SLC30A3: variants seen among roughly 807,000 people sequenced by gnomAD.
SLC30A3 encodes solute carrier family 30 member 3.
A neutral mutation model predicts 35.6 loss-of-function variants in SLC30A3; 20 were observed. The observed-to-expected ratio is 0.56, with a 90% CI of 0.39 to 0.82. SLC30A3 has a LOEUF of 0.82. SLC30A3 is among the 40% of genes least tolerant of loss of function. The probability of loss-of-function intolerance (pLI) is 0.00; values close to 1 mark genes in which losing one functional copy is unlikely to be tolerated. For synonymous variants in SLC30A3, 217 were observed against 224.7 expected (o/e 0.97, Z 0.31); for missense variants, 401 against 530.6 (o/e 0.76, Z 2.40).
chr2:27,274,613 A>T (rs1677910676), intron 1 of SLC30A3, among the ~76,000 whole-genome samples: 1 of 152,110 alleles, frequency 6.6e-6, no homozygotes, highest in Admixed American at 6.5e-5. Context: ...AGGTGGGGAT[A>T]CAAATCCTCC....
At chr2:27,273,165 A>G (rs993933532) in intron 1 of SLC30A3, among the ~76,000 whole-genome samples, 5 of 151,290 alleles carry the variant, frequency 3.3e-5, no homozygotes. Context: ...AGTAGAACCC[A>G]GTTTAGAAGG....
chr2:27,265,706 G>A (rs551561280), upstream of SLC30A3, among the ~76,000 whole-genome samples: 5 of 152,138 alleles, frequency 3.3e-5, no homozygotes, highest in Middle Eastern at 6.8e-3. This position sits in a 1 kb window ranked among gnomAD's most constrained non-coding sequence, Gnocchi z 5.9. Flanking sequence ...TTCTCTCAAG[G>A]CTCACACTGT....
rs577288500 is a variant in SLC30A3, at chr2:27,269,544, C to A, written c.-158-5462G>T. Among the ~76,000 whole-genome samples, 4 of 151,912 alleles carry A rather than the reference C, an allele frequency of 2.6e-5. No homozygotes were observed. In the South Asian group the frequency reaches 8.3e-4, roughly 32 times the overall value. On this transcript the variant is annotated intron_variant, in intron 1 of 5. Coordinates refer to the SLC30A3 transcript ENST00000424577. ...TTTTACAAACCCTGCATGTGGCATCCAATGGAGTGTGGTTTTGAGGCAATG... is the reference window on the plus strand; with the variant it reads ...TTTTACAAACCCTGCATGTGGCATCAAATGGAGTGTGGTTTTGAGGCAATG...
chr2:27,257,950 C>A lies in SLC30A3; in HGVS notation c.533G>T (p.Gly178Val), dbSNP rs1676960917. 1 of 1,613,980 alleles carries A rather than the reference C, an allele frequency of 6.2e-7. No individual in the cohort carries two copies. The highest frequency in any genetic ancestry group is 1.3e-5 in the African/African-American group (1 of 74,926). ...GATGCTGGCGGTCAGCAGCATGGCA[C>A]CCCCCTCGATGTGGTAGTCGCTGTG... ...LLHSDYHIEGGAMLLTASIAV... is the reference protein window; with the variant it reads ...LLHSDYHIEGVAMLLTASIAV... The change falls in exon 4 of 8, where the codon GGT becomes GTT. Residue 178 changes from glycine (G) to valine (V), a missense_variant. By Grantham distance (109) the Gly-to-Val change is moderately radical. Around this residue, in one of 3 missense-constraint regions of SLC30A3, gnomAD observed 296 missense variants for 392.6 expected, o/e 0.75. Coordinates refer to ENST00000233535, the MANE Select transcript of SLC30A3 (RefSeq NM_003459.5). The surrounding 1 kb of genome is among the most constrained non-coding windows in gnomAD (Gnocchi z 4.7).
chr2:27,260,101 G>C (rs1326768347), intron 1 of SLC30A3, among the ~76,000 whole-genome samples: 1 of 152,162 alleles, frequency 6.6e-6, no homozygotes, highest in East Asian at 1.9e-4. Context: ...CCTGGCCTTG[G>C]TGTGCCTCCT....
rs746424458 is a variant in SLC30A3 at position 27,255,404 on chromosome 2, G to A, written c.1075C>T (p.Arg359Trp). The change falls in exon 8 of 8, where the codon CGG (arginine) becomes TGG (tryptophan). Residue 359 changes from arginine to tryptophan, a missense_variant. Arg to Trp is a moderately radical substitution (Grantham distance 101, BLOSUM62 -3). Coordinates refer to ENST00000233535, the MANE Select transcript of SLC30A3 (RefSeq NM_003459.5). This position sits in a 1 kb window ranked among gnomAD's most constrained non-coding sequence, Gnocchi z 5.2. The stretch of plus-strand genomic sequence containing the variant: ...AGGGTGCAGCTGGAGAATCCAAACC[G>A]GGAGTAGAGCCGGGATGAGGCTTCA... ...LAEASSRLYS[R>W]FGFSSCTLQV... The A allele has an allele frequency of 2.0e-5, 33 of 1,614,004 alleles. No homozygotes were observed. Among genetic ancestry groups the A allele is most frequent in the Non-Finnish European group, 2.5e-5 (29 of 1,180,022 alleles).
chr2:27,263,265 C>T, upstream of SLC30A3: 2 of 499,540 alleles, frequency 4.0e-6, no homozygotes, highest in Admixed American at 2.5e-5. Flanking sequence ...GTCCCCCAGG[C>T]GAGCTAGCCC....
Position 27,258,835 on chromosome 2 carries a change from A to G in SLC30A3, c.195T>C (p.Leu65=), listed in dbSNP as rs2148125439. The change falls in exon 2 of 8, where the codon CTT becomes CTC. Residue 65 remains leucine (L), a synonymous_variant. Transcript: ENST00000233535. The surrounding 1 kb of genome is among the most constrained non-coding windows in gnomAD (Gnocchi z 4.0). The stretch of plus-strand genomic sequence containing the variant: ...TCCGTGCATGCAGCCTCTCAGGGGT[A>G]AGGCCCGGCGGCGGAAGGGGGTCCC... The part of the protein sequence containing the change: ...CHRDPLPPPG[L]TPERLHARRQ... The G allele has an allele frequency of 6.2e-7, 1 of 1,614,190 alleles. No homozygotes were observed. The highest frequency in any genetic ancestry group is 8.5e-7 in the Non-Finnish European group (1 of 1,180,002).
At chr2:27,260,307 G>A (rs1395647728) in intron 1 of SLC30A3, among the ~76,000 whole-genome samples, 2 of 152,216 alleles carry the variant, frequency 1.3e-5, no homozygotes, top group Non-Finnish European at 2.9e-5. Context: ...TGCTATGGCT[G>A]AGGATGGCAG....
chr2:27,260,270 G>A (rs1430329588), intron 1 of SLC30A3, among the ~76,000 whole-genome samples: 1 of 152,226 alleles, frequency 6.6e-6, no homozygotes, highest in East Asian at 1.9e-4. Context: ...CAGAGCTGGG[G>A]TTGTCATGGG....
Position 27,269,372 on chromosome 2 carries a change from AT to A in SLC30A3, c.-158-5291del, listed in dbSNP as rs911659256. 2.6e-5 allele frequency among the ~76,000 whole-genome samples: 4 copies of A among 151,350 alleles called. No individual in the cohort carries two copies. In the South Asian group the frequency reaches 8.4e-4, roughly 32 times the overall value. On this transcript the variant is annotated intron_variant, in intron 1 of 5. Coordinates refer to the SLC30A3 transcript ENST00000424577. ...AGGTATGTGCCACCACACGCAGCTA[AT>A]TTTTTTTGTATTTTTAGTAGAGACG... is the stretch of plus-strand genomic sequence containing the variant.
intron 1 of SLC30A3, among the ~76,000 whole-genome samples, chr2:27,270,204 T>C (rs1677672903): frequency 6.6e-6 from 1 of 152,352 alleles, no homozygotes; most frequent in South Asian, 2.1e-4. Context: ...TACAGTGTTT[T>C]AATAAGATTG....
intron 1 of SLC30A3, among the ~76,000 whole-genome samples, chr2:27,269,784 G>A (rs1445744900): frequency 6.6e-6 from 1 of 152,028 alleles, no homozygotes; most frequent in Non-Finnish European, 1.5e-5. Flanking sequence ...CTTGAACCCG[G>A]GAGGCAGAGG....
At chr2:27,260,107 C>A (rs1677103850) in intron 1 of SLC30A3, among the ~76,000 whole-genome samples, 1 of 152,138 alleles carries the variant, frequency 6.6e-6, no homozygotes, top group Non-Finnish European at 1.5e-5. Flanking sequence ...CTTGGTGTGC[C>A]TCCTTTCCAG....
chr2:27,257,289 A>C lies in SLC30A3; in HGVS notation c.642T>G (p.Tyr214Ter). 2 of 1,613,938 alleles carry C rather than the reference A, an allele frequency of 1.2e-6. No individual in the cohort carries two copies. Among genetic ancestry groups the C allele is most frequent in the Non-Finnish European group, 1.7e-6 (2 of 1,179,932 alleles). Residue 214 changes from tyrosine (Y) to a stop codon, truncating the protein, a stop_gained, in exon 5 of 8, where the codon TAT (tyrosine) becomes TAG (stop). Transcript: ENST00000233535. LOFTEE classifies it high-confidence loss of function. The surrounding 1 kb of genome is among the most constrained non-coding windows in gnomAD (Gnocchi z 4.7). ...CTTCAGGCCCCTCCTCCAGCGGTGCATACTCTGCTCCCCTAGACCCGTGGC... is the reference window on the plus strand; with the variant it reads ...CTTCAGGCCCCTCCTCCAGCGGTGCCTACTCTGCTCCCCTAGACCCGTGGC... ...PHSHGSRGAE[Y>*]APLEEGPEEP...
At position 27,262,921 on chromosome 2, in the gene SLC30A3, G is replaced by A; in HGVS notation, c.-15C>T. The stretch of plus-strand genomic sequence containing the variant: ...GAGGGCTCCATGTTCCCGGTGCCCC[G>A]ACCGTCTAGGCCCCACCGAGGAAGA... On this transcript the variant is annotated 5_prime_UTR_variant, in exon 1 of 8. Transcript: ENST00000233535. The surrounding 1 kb of genome is among the most constrained non-coding windows in gnomAD (Gnocchi z 7.5). 6.5e-7 allele frequency: 1 copy of A among 1,549,422 alleles called. No homozygotes were observed. Among genetic ancestry groups the A allele is most frequent in the Non-Finnish European group, 8.7e-7 (1 of 1,155,586 alleles).
rs768089810 is a variant in SLC30A3 at position 27,273,281 on chromosome 2, G to A, written c.-159+1896C>T. On this transcript the variant is annotated intron_variant, in intron 1 of 5. Coordinates refer to the SLC30A3 transcript ENST00000424577. Reference sequence around the variant, plus strand: ...AGACTCTTGAAATGGGAGGGAACACGATGTTTTCAAATAACTAACAGGAAA... The same window carrying A: ...AGACTCTTGAAATGGGAGGGAACACAATGTTTTCAAATAACTAACAGGAAA... 2.0e-5 allele frequency among the ~76,000 whole-genome samples: 3 copies of A among 151,984 alleles called. No individual in the cohort carries two copies. The East Asian group carries it at 5.8e-4, about 29-fold the overall frequency.
At chr2:27,267,957 C>A (rs1412968596), upstream of SLC30A3, among the ~76,000 whole-genome samples, 3 of 150,788 alleles carry the variant, frequency 2.0e-5, no homozygotes, top group Non-Finnish European at 4.4e-5. Context: ...ACTCAAAAAA[C>A]AAAAAAACAC....
rs1164144075 is a variant in SLC30A3, at chr2:27,258,377, A to G, written c.278-70T>C. 11 of 1,429,722 alleles carry G rather than the reference A, an allele frequency of 7.7e-6. No individual in the cohort carries two copies. Among genetic ancestry groups the G allele is most frequent in the Non-Finnish European group, 1.0e-5 (11 of 1,079,264 alleles). The allele number at this position is 1,429,722 out of a possible 1,614,324, so 88.6% of individuals were successfully genotyped here. On this transcript the variant is annotated intron_variant, in intron 2 of 7. Transcript: ENST00000233535. This position sits in a 1 kb window ranked among gnomAD's most constrained non-coding sequence, Gnocchi z 4.0. ...CATGTAGTGTGTATAGGCATGGAAA[A>G]TAAATTGGGGGATATACACCAAAAA...
Sources: gnomAD v4.1 joint callset for allele counts (sites outside exome capture counted in the v4.1 genomes callset) on GRCh38, gnomAD v4.1.1 for gene constraint, gnomAD v4.1.1 regional missense constraint, Gnocchi (gnomAD v3.1) non-coding constraint, MANE v1.5 for transcripts, NCBI Gene and HGNC (gene_info 2026-07-23, HGNC 2026-07-21) for gene names.